The following ACTN1 variants were observed in gnomAD, a reference collection of about 807,000 sequenced individuals.
The protein encoded by ACTN1 is alpha-actinin-1.
ACTN1 carries 30 observed loss-of-function variants against 119.6 expected under a neutral mutation model. That is an observed-to-expected ratio of 0.25 (90% CI 0.19 to 0.34). The LOEUF is 0.34. ACTN1 is among the 10% of genes least tolerant of loss of function. The pLI, the probability that ACTN1 is intolerant of heterozygous loss-of-function variation, is 1.00. For missense variants in ACTN1, 764 were observed against 1,223.4 expected (o/e 0.62, Z 5.60); for synonymous variants, 429 against 472.6 (o/e 0.91, Z 1.20).
intron 1 of ACTN1, among the ~76,000 whole-genome samples, chr14:68,965,020 T>C (rs988317049): frequency 6.6e-6 from 1 of 152,232 alleles, no homozygotes; most frequent in Non-Finnish European, 1.5e-5. Flanking sequence ...CAGCTTCATC[T>C]GCCTTCAGAA....
Position 68,909,479 on chromosome 14 carries a change from G to C in ACTN1, c.516-83C>G. ...ACCAGGGCAAAGCAGGGGCCTCCTA[G>C]ACACCAGAGAGATGAACACATAGAG... On this transcript the variant is annotated intron_variant, in intron 5 of 21. Coordinates refer to ENST00000394419, the MANE Select transcript of ACTN1 (RefSeq NM_001130004.2). The surrounding 1 kb of genome is among the most constrained non-coding windows in gnomAD (Gnocchi z 4.1). 1 of 1,280,876 alleles carries C rather than the reference G, an allele frequency of 7.8e-7. No individual in the cohort carries two copies. The highest frequency in any genetic ancestry group is 1.1e-6 in the Non-Finnish European group (1 of 889,690). 79.3% of individuals were successfully genotyped at this position (1,280,876 alleles called of 1,614,324 possible).
At position 68,938,398 on chromosome 14, in the gene ACTN1, G is replaced by T. The variant is rs144706324; in HGVS notation, c.106-12726C>A. Among the ~76,000 whole-genome samples, 884 of 152,172 alleles carry T rather than the reference G, an allele frequency of 5.8e-3. 18 individuals are homozygous for T. The highest frequency in any genetic ancestry group is 3.6e-3 in the Non-Finnish European group (248 of 67,998). On this transcript the variant is annotated intron_variant, in intron 1 of 21. Coordinates refer to ENST00000394419, the MANE Select transcript of ACTN1 (RefSeq NM_001130004.2). ...TGGAACAAGACAGACCTAGGCTCCA[G>T]TGCCAGCCCACACCTCACATTACAT... is the stretch of plus-strand genomic sequence containing the variant.
intron 1 of ACTN1, among the ~76,000 whole-genome samples, chr14:68,948,173 T>G (rs904217061): frequency 3.3e-5 from 5 of 152,228 alleles, no homozygotes; most frequent in Non-Finnish European, 5.9e-5. Context: ...CCCCAGGCCC[T>G]TCCACTTAGC....
intron 1 of ACTN1, among the ~76,000 whole-genome samples, chr14:68,971,925 G>A (rs997188303): frequency 1.3e-5 from 2 of 152,126 alleles, no homozygotes; most frequent in African/African-American, 4.8e-5. Flanking sequence ...CTTTCCCCAC[G>A]ATTGCTAGGC....
chr14:68,933,525 C>T (rs1448299860), intron 1 of ACTN1, among the ~76,000 whole-genome samples: 2 of 152,168 alleles, frequency 1.3e-5, no homozygotes, highest in African/African-American at 4.8e-5. Flanking sequence ...CATGGCTATC[C>T]TGAAATACAA....
rs747221207 is a variant in ACTN1 at position 68,879,935 on chromosome 14, TA to T, written c.2280+26del. ...CTGGGGCAGGGGTTGGGGGCTGCAC[TA>T]AGAAAGCACAGGATGGGGCTCTCAC... On this transcript the variant is annotated intron_variant, in intron 18 of 21. Transcript: ENST00000394419. This position sits in a 1 kb window ranked among gnomAD's most constrained non-coding sequence, Gnocchi z 4.9. 5.6e-6 allele frequency: 9 copies of T among 1,611,108 alleles called. No individual in the cohort carries two copies. The highest frequency in any genetic ancestry group is 7.6e-6 in the Non-Finnish European group (9 of 1,177,744).
chr14:68,908,471 A>G (rs182525186), intron 6 of ACTN1, among the ~76,000 whole-genome samples: 1 of 152,196 alleles, frequency 6.6e-6, no homozygotes, highest in African/African-American at 2.4e-5. Context: ...CGCTCCTTGA[A>G]GCCTCCCTTG....
chr14:68,877,078 C>A lies in ACTN1; in HGVS notation c.2586+4G>T. On this transcript the variant is annotated splice_donor_region_variant and intron_variant, in intron 21 of 21. Coordinates refer to ENST00000394419, the MANE Select transcript of ACTN1 (RefSeq NM_001130004.2). ...AGCACAGTGCCCACCCATAGGACAC[C>A]CACCTTGTCCCCAGCCAGGATCTTG... The A allele has an allele frequency of 6.2e-7, 1 of 1,613,930 alleles. No homozygotes were observed. Among genetic ancestry groups the A allele is most frequent in the East Asian group, 2.2e-5 (1 of 44,882 alleles).
At chr14:68,950,239 A>G (rs1385886415) in intron 1 of ACTN1, among the ~76,000 whole-genome samples, 2 of 148,164 alleles carry the variant, frequency 1.3e-5, no homozygotes, top group East Asian at 4.0e-4. Context: ...GGTTGCAGTA[A>G]GCTGAGATTG....
rs1289560434 is a variant in ACTN1 at position 68,931,997 on chromosome 14, G to A, written c.106-6325C>T. 3.3e-5 allele frequency among the ~76,000 whole-genome samples: 5 copies of A among 151,846 alleles called. No homozygotes were observed. In the East Asian group the frequency reaches 9.7e-4, roughly 29 times the overall value. ...CAGCCCTTGAAAATGTTGGTTTAGA[G>A]GATTTTTTTTTCAGCCTGCCAAGTA... On this transcript the variant is annotated intron_variant, in intron 1 of 21. Coordinates refer to ENST00000394419, the MANE Select transcript of ACTN1 (RefSeq NM_001130004.2).
At chr14:68,937,327 T>C (rs572264131) in intron 1 of ACTN1, among the ~76,000 whole-genome samples, 1 of 152,286 alleles carries the variant, frequency 6.6e-6, no homozygotes, top group East Asian at 1.9e-4. Flanking sequence ...GACTTCCCAT[T>C]TCTCTGGGAT....
chr14:68,936,389 G>C (rs140842147), intron 1 of ACTN1, among the ~76,000 whole-genome samples: 174 of 152,276 alleles, frequency 1.1e-3, no homozygotes, highest in African/African-American at 4.0e-3. Context: ...GAAGGACCAG[G>C]ATCATCGGCT....
chr14:68,928,190 G>A (rs2035026150), intron 1 of ACTN1, among the ~76,000 whole-genome samples: 1 of 151,970 alleles, frequency 6.6e-6, no homozygotes, highest in Non-Finnish European at 1.5e-5. Context: ...GATAAAGGAG[G>A]AAGAGGCTGC....
chr14:68,938,494 T>C (rs1304713683), intron 1 of ACTN1, among the ~76,000 whole-genome samples: 2 of 152,188 alleles, frequency 1.3e-5, no homozygotes, highest in East Asian at 3.9e-4. Context: ...TAACAAGGCC[T>C]ACAATGGCAC....
At chr14:68,910,306 C>G (rs1379805107) in intron 4 of ACTN1, among the ~76,000 whole-genome samples, 2 of 152,156 alleles carry the variant, frequency 1.3e-5, no homozygotes, top group Non-Finnish European at 2.9e-5. Context: ...CAAGAATTAG[C>G]TCCCCCTACT....
chr14:68,913,133 A>G lies in ACTN1; in HGVS notation c.341-891T>C, dbSNP rs569195672. 9.8e-5 allele frequency among the ~76,000 whole-genome samples: 15 copies of G among 152,344 alleles called. No homozygotes were observed. In the East Asian group the frequency reaches 2.5e-3, roughly 25 times the overall value. ...ACCCAATATATTTAGTCTAAGCAGC[A>G]CCTTTTAGAGTTTTAGAATCTACAA... On this transcript the variant is annotated intron_variant, in intron 3 of 21. Coordinates refer to ENST00000394419, the MANE Select transcript of ACTN1 (RefSeq NM_001130004.2).
intron 9 of ACTN1, 45 bp from the exon 10 acceptor site, chr14:68,892,328 G>C: frequency 6.4e-7 from 1 of 1,574,076 alleles, no homozygotes; most frequent in Admixed American, 1.7e-5. Flanking sequence ...GAGGCGGGGA[G>C]GGAGTGTGCT....
At chr14:68,906,297 A>C (rs1286614015) in intron 6 of ACTN1, among the ~76,000 whole-genome samples, 1 of 152,200 alleles carries the variant, frequency 6.6e-6, no homozygotes, top group Non-Finnish European at 1.5e-5. Flanking sequence ...AAAAAACCTT[A>C]GTGGAAGAGT....
chr14:68,907,422 G>C (rs960074966), intron 6 of ACTN1, among the ~76,000 whole-genome samples: 4 of 149,352 alleles, frequency 2.7e-5, no homozygotes, highest in African/African-American at 9.9e-5. Flanking sequence ...AAATTAGCCA[G>C]GCGTGCTGGC....
Sources: allele counts gnomAD v4.1 joint callset (sites outside exome capture counted in the v4.1 genomes callset), GRCh38; gene constraint gnomAD v4.1.1; non-coding constraint Gnocchi (gnomAD v3.1); transcripts MANE v1.5; gene names NCBI Gene and HGNC (gene_info 2026-07-23, HGNC 2026-07-21).